RBMS3: variants seen among roughly 807,000 people sequenced by gnomAD.
RBMS3 encodes RNA-binding motif, single-stranded-interacting protein 3.
RBMS3 carries 27 observed loss-of-function variants against 66.8 expected under a neutral mutation model. The observed-to-expected ratio is 0.40, with a 90% CI of 0.30 to 0.56. The LOEUF is 0.56. Ranked by LOEUF, RBMS3 falls within the 20% of genes least tolerant of loss-of-function variation. The pLI is 0.40. For synonymous variants in RBMS3, 188 were observed against 183.0 expected, an observed-to-expected ratio of 1.03 and a Z score of -0.22; for missense variants, 513 against 549.5, an observed-to-expected ratio of 0.93 and a Z score of 0.66.
chr3:29,762,893 T>C lies in RBMS3; in HGVS notation c.558-17T>C. ...TTGACAACCATATATGACCTCTGGT[T>C]TACCTTTTTTTCCCAGAATGGAGTC... is the stretch of plus-strand genomic sequence containing the variant. On this transcript the variant is annotated splice_polypyrimidine_tract_variant and intron_variant, in intron 5 of 14. Coordinates refer to ENST00000383767, the MANE Select transcript of RBMS3 (RefSeq NM_001003793.3). 1 of 1,557,182 alleles carries C rather than the reference T, an allele frequency of 6.4e-7. No individual in the cohort carries two copies. The highest frequency in any genetic ancestry group is 8.8e-7 in the Non-Finnish European group (1 of 1,133,178).
chr3:29,464,399 G>T (rs1214072420), intron 2 of RBMS3, among the ~76,000 whole-genome samples: 1 of 152,110 alleles, frequency 6.6e-6, no homozygotes, highest in Non-Finnish European at 1.5e-5. Context: ...GATAGACTGA[G>T]GCTCACTCTC....
chr3:29,868,287 TG>T (rs1370291098), intron 6 of RBMS3, among the ~76,000 whole-genome samples: 2 of 152,162 alleles, frequency 1.3e-5, no homozygotes, highest in African/African-American at 4.8e-5. Context: ...TTATAATAAT[TG>T]TTCTCCCTGG....
In RBMS3 at chr3:29,337,595, A is replaced by G. The variant is rs1427738344; in HGVS notation, c.75+55839A>G. On this transcript the variant is annotated intron_variant, in intron 1 of 14. Coordinates refer to ENST00000383767, the MANE Select transcript of RBMS3 (RefSeq NM_001003793.3). ...CAGGAGGTTGAGGGAACTGTGGGCTATGATCATGCTGCTGCAACCCAGGCT... is the reference window on the plus strand; with the variant it reads ...CAGGAGGTTGAGGGAACTGTGGGCTGTGATCATGCTGCTGCAACCCAGGCT... Among the ~76,000 whole-genome samples, 4 of 152,054 alleles carry G rather than the reference A, an allele frequency of 2.6e-5. No homozygotes were observed. In the East Asian group the frequency reaches 7.7e-4, roughly 29 times the overall value.
At chr3:29,409,062 C>A (rs1014454590) in intron 1 of RBMS3, among the ~76,000 whole-genome samples, 1 of 152,142 alleles carries the variant, frequency 6.6e-6, no homozygotes, top group East Asian at 1.9e-4. Flanking sequence ...GAGAAAACAG[C>A]CTCTGTCAGT....
At chr3:29,721,767 G>A (rs2053653552) in intron 4 of RBMS3, among the ~76,000 whole-genome samples, 1 of 152,154 alleles carries the variant, frequency 6.6e-6, no homozygotes, top group Non-Finnish European at 1.5e-5. Context: ...GGTGAGCATG[G>A]GGATAGTAGA....
At chr3:29,547,542 G>A (rs2046007274) in intron 3 of RBMS3, among the ~76,000 whole-genome samples, 1 of 151,954 alleles carries the variant, frequency 6.6e-6, no homozygotes, top group Non-Finnish European at 1.5e-5. Flanking sequence ...GAAAATGGAA[G>A]TATCCAATCC....
At chr3:29,344,745 T>C (rs1031455889) in intron 1 of RBMS3, among the ~76,000 whole-genome samples, 1 of 152,130 alleles carries the variant, frequency 6.6e-6, no homozygotes, top group African/African-American at 2.4e-5. Flanking sequence ...TAGCTTAAGC[T>C]TATAATTTTC....
At chr3:29,775,456 G>A (rs2056393974) in intron 6 of RBMS3, among the ~76,000 whole-genome samples, 2 of 151,944 alleles carry the variant, frequency 1.3e-5, no homozygotes, top group Admixed American at 6.6e-5. Context: ...AGCGTGTGTG[G>A]CATGCTGCAA....
intron 1 of RBMS3, among the ~76,000 whole-genome samples, chr3:29,318,555 T>C (rs1229525735): frequency 6.6e-6 from 1 of 151,924 alleles, no homozygotes; most frequent in Non-Finnish European, 1.5e-5. Context: ...GAACATATCC[T>C]CCCCTGGCAC....
rs751095315 is a variant in RBMS3 at position 29,663,408 on chromosome 3, A to G, written c.399+76203A>G. Among the ~76,000 whole-genome samples the G allele has an allele frequency of 1.6e-4, 24 of 152,208 alleles. 1 individual carries two copies. The highest frequency in any genetic ancestry group is 2.8e-4 in the Non-Finnish European group (19 of 68,028). ...ATTATCAGTAATGACATTTTTGGAC[A>G]TGTGTGAAGAAACAGCAACTTTTTG... On this transcript the variant is annotated intron_variant, in intron 4 of 14. Transcript: ENST00000383767.
chr3:29,291,477 CCAGGTTCA>C (rs2032806518), intron 1 of RBMS3, among the ~76,000 whole-genome samples: 1 of 151,784 alleles, frequency 6.6e-6, no homozygotes. Context: ...GATCTGGGTG[CCAGGTTCA>C]CAGAATTTTT....
intron 6 of RBMS3, among the ~76,000 whole-genome samples, chr3:29,796,860 AC>A (rs2057213962): frequency 6.6e-6 from 1 of 151,744 alleles, no homozygotes; most frequent in Non-Finnish European, 1.5e-5. Flanking sequence ...CTATAGGCAC[AC>A]CCCACCACAC....
At chr3:29,869,267 C>G (rs2149550819) in intron 7 of RBMS3, among the ~76,000 whole-genome samples, 1 of 152,204 alleles carries the variant, frequency 6.6e-6, no homozygotes, top group African/African-American at 2.4e-5. Flanking sequence ...TGTGTAATAG[C>G]TATAAAATGA....
intron 3 of RBMS3, among the ~76,000 whole-genome samples, chr3:29,562,339 G>A (rs763591355): frequency 5.9e-5 from 9 of 152,090 alleles, no homozygotes; most frequent in Non-Finnish European, 1.0e-4. Context: ...TTGTTAAAGA[G>A]AAGCTGAAAA....
intron 4 of RBMS3, among the ~76,000 whole-genome samples, chr3:29,682,924 T>G (rs948940590): frequency 6.6e-6 from 1 of 152,216 alleles, no homozygotes. Flanking sequence ...TAGGAATTAC[T>G]CTTCCTATGC....
chr3:29,402,559 A>G (rs984227889), intron 1 of RBMS3, among the ~76,000 whole-genome samples: 2 of 152,032 alleles, frequency 1.3e-5, no homozygotes, highest in Admixed American at 6.6e-5. Flanking sequence ...AATGATGGCA[A>G]TGAGTTAGCT....
intron 6 of RBMS3, among the ~76,000 whole-genome samples, chr3:29,827,977 C>G (rs1008697529): frequency 3.3e-4 from 50 of 151,924 alleles, no homozygotes; most frequent in Admixed American, 7.2e-4. Flanking sequence ...TTGTTTTTAC[C>G]CTTGATTTCT....
At chr3:29,627,550 A>T (rs185563473) in intron 4 of RBMS3, among the ~76,000 whole-genome samples, 45 of 152,110 alleles carry the variant, frequency 3.0e-4, no homozygotes, top group Non-Finnish European at 6.2e-4. Context: ...CATTGTTTAT[A>T]TGTTAGCTTA....
At chr3:29,382,942 T>C (rs1470361643) in intron 1 of RBMS3, among the ~76,000 whole-genome samples, 1 of 152,166 alleles carries the variant, frequency 6.6e-6, no homozygotes, top group African/African-American at 2.4e-5. Context: ...TATGTACATA[T>C]TATGAATGAC....
Sources: gnomAD v4.1 joint callset for allele counts (sites outside exome capture counted in the v4.1 genomes callset) on GRCh38, gnomAD v4.1.1 for gene constraint, MANE v1.5 for transcripts, NCBI Gene and HGNC (gene_info 2026-07-23, HGNC 2026-07-21) for gene names.